The following SYK variants were observed in gnomAD, a reference collection of about 807,000 sequenced individuals.
SYK encodes spleen associated tyrosine kinase.
Under a neutral mutation model 77.8 loss-of-function variants are expected in SYK, and 16 were observed. The observed-to-expected ratio is 0.21, with a 90% CI of 0.14 to 0.31. The LOEUF (loss-of-function observed/expected upper bound fraction) is 0.31, where lower values mean the gene tolerates loss of function less well. SYK is among the 10% of genes least tolerant of loss of function. The pLI is 1.00. For missense variants in SYK, 529 were observed against 814.4 expected, an observed-to-expected ratio of 0.65 and a Z score of 4.26; for synonymous variants, 312 against 308.7, an observed-to-expected ratio of 1.01 and a Z score of -0.11.
chr9:90,888,405 A>G (rs74902767), intron 12 of SYK, 110 bp from the exon 13 acceptor site: 8 of 775,246 alleles, frequency 1.0e-5, no homozygotes, highest in Non-Finnish European at 1.6e-5. Flanking sequence ...TACTTCGTAT[A>G]ATTGAAATCA....
At chr9:90,869,268 C>A (rs1052774203) in intron 7 of SYK, among the ~76,000 whole-genome samples, 1 of 151,474 alleles carries the variant, frequency 6.6e-6, no homozygotes, top group South Asian at 2.1e-4. Flanking sequence ...TGTGAAAATA[C>A]CTTTCTGGCA....
At chr9:90,810,225 TC>T (rs1825022215) in intron 1 of SYK, among the ~76,000 whole-genome samples, 1 of 152,128 alleles carries the variant, frequency 6.6e-6, no homozygotes. Context: ...GGTCAGGATG[TC>T]CCAGGGTGGC....
intron 1 of SYK, among the ~76,000 whole-genome samples, chr9:90,810,279 C>T (rs1269572424): frequency 6.6e-6 from 1 of 152,202 alleles, no homozygotes; most frequent in Non-Finnish European, 1.5e-5. Context: ...CCAGCATCTC[C>T]TTGGCTTGTG....
Position 90,871,725 on chromosome 9 carries a change from T to A in SYK, c.916-2479T>A, listed in dbSNP as rs145452256. 5.6e-4 allele frequency among the ~76,000 whole-genome samples: 85 copies of A among 152,316 alleles called. 1 individual carries two copies. In the East Asian group the frequency reaches 0.013, roughly 22 times the overall value. The stretch of plus-strand genomic sequence containing the variant: ...GTTGTGGCATCATTCTTTGCTCCAG[T>A]CCTGTTAGTCACCAGAAAGAGATAG... On this transcript the variant is annotated intron_variant, in intron 7 of 13. Transcript: ENST00000375754.
At chr9:90,859,157 C>A (rs1827153484) in intron 3 of SYK, among the ~76,000 whole-genome samples, 2 of 152,122 alleles carry the variant, frequency 1.3e-5, no homozygotes, top group Non-Finnish European at 1.5e-5. Context: ...CAAACACAAC[C>A]CAGTCAAGAA....
intron 1 of SYK, among the ~76,000 whole-genome samples, chr9:90,838,628 G>A (rs957377045): frequency 2.6e-5 from 4 of 152,172 alleles, no homozygotes; most frequent in African/African-American, 9.7e-5. Flanking sequence ...CAGGCTGAGG[G>A]GTACAGGTGG....
At chr9:90,873,454 A>G (rs572044442) in intron 7 of SYK, among the ~76,000 whole-genome samples, 1 of 152,272 alleles carries the variant, frequency 6.6e-6, no homozygotes, top group Non-Finnish European at 1.5e-5. Flanking sequence ...CAAGATAGAG[A>G]CTTTCAAAAG....
At chr9:90,815,048 T>A (rs956888975) in intron 1 of SYK, among the ~76,000 whole-genome samples, 1 of 152,108 alleles carries the variant, frequency 6.6e-6, no homozygotes, top group Non-Finnish European at 1.5e-5. Context: ...CAAGAGGGTT[T>A]TGAGGGACTG....
intron 7 of SYK, among the ~76,000 whole-genome samples, chr9:90,873,496 C>T (rs565583025): frequency 6.6e-6 from 1 of 152,064 alleles, no homozygotes; most frequent in Admixed American, 6.6e-5. Flanking sequence ...GTAGATTTCC[C>T]CCCCCAGTTG....
chr9:90,863,834 T>C (rs1159632612), intron 4 of SYK, among the ~76,000 whole-genome samples: 1 of 152,204 alleles, frequency 6.6e-6, no homozygotes, highest in Non-Finnish European at 1.5e-5. Context: ...AAGGGCATTT[T>C]ATGTGTGTGG....
chr9:90,843,808 C>CCGAA, intron 1 of SYK, 50 bp from the exon 2 acceptor site: 1 of 1,361,438 alleles, frequency 7.3e-7, no homozygotes, highest in East Asian at 2.7e-5. Flanking sequence ...AGCAAACGTT[C>CCGAA]CCTGCCACGT....
At chr9:90,834,402 C>T (rs1825998914) in intron 1 of SYK, among the ~76,000 whole-genome samples, 1 of 152,186 alleles carries the variant, frequency 6.6e-6, no homozygotes, top group African/African-American at 2.4e-5. Flanking sequence ...ATACTGTCAT[C>T]CCCTTTCACC....
chr9:90,879,414 A>G (rs1362270993), intron 11 of SYK, among the ~76,000 whole-genome samples: 1 of 152,198 alleles, frequency 6.6e-6, no homozygotes, highest in Non-Finnish European at 1.5e-5. Context: ...ACATTTCATA[A>G]CATGTGGTGG....
chr9:90,888,683 G>C (rs1051250904), intron 13 of SYK, 56 bp downstream of exon 13: 2 of 1,309,234 alleles, frequency 1.5e-6, no homozygotes, highest in South Asian at 1.4e-5. Flanking sequence ...CAGGTGAAAT[G>C]GTTGGGCGTC....
At chr9:90,880,194 C>A (rs1322840004) in intron 11 of SYK, among the ~76,000 whole-genome samples, 1 of 152,222 alleles carries the variant, frequency 6.6e-6, no homozygotes, top group Non-Finnish European at 1.5e-5. Context: ...ACCCACTCAC[C>A]TTTCCCTAAG....
intron 1 of SYK, among the ~76,000 whole-genome samples, chr9:90,825,014 G>C (rs1825624657): frequency 6.6e-6 from 1 of 151,452 alleles, no homozygotes; most frequent in Non-Finnish European, 1.5e-5. Flanking sequence ...GAGTCTACAG[G>C]ATGCTAGATC....
chr9:90,891,238 C>G (rs1454843683), intron 13 of SYK, among the ~76,000 whole-genome samples: 1 of 151,246 alleles, frequency 6.6e-6, no homozygotes, highest in Non-Finnish European at 1.5e-5. Context: ...CTCTGTCTCC[C>G]GGGTTCACAC....
chr9:90,802,815 T>TAAA lies in SYK; in HGVS notation c.-42+932_-42+934dup, dbSNP rs58269380. On this transcript the variant is annotated intron_variant, in intron 1 of 13. Coordinates refer to ENST00000375754, the MANE Select transcript of SYK (RefSeq NM_003177.7). ...GAGTTCAAAGCATTGCAGCGTGTAGTAAAAAAAAAAAAGAGTTGAAGATGT... is the reference window on the plus strand; with the variant it reads ...GAGTTCAAAGCATTGCAGCGTGTAGTAAAAAAAAAAAAAAAGAGTTGAAGATGT... Among the ~76,000 whole-genome samples the TAAA allele has an allele frequency of 2.6e-3, 150 of 58,678 alleles. 9 individuals carry two copies. Among genetic ancestry groups the TAAA allele is most frequent in the African/African-American group, 7.3e-3 (79 of 10,810 alleles). 38.5% of individuals were successfully genotyped at this position (58,678 alleles called of 152,430 possible).
chr9:90,848,469 T>C (rs766905254), intron 3 of SYK, among the ~76,000 whole-genome samples: 13 of 152,180 alleles, frequency 8.5e-5, no homozygotes, highest in Non-Finnish European at 1.8e-4. Flanking sequence ...GCAGATAGTT[T>C]TATAAAATGC....
Sources: allele counts gnomAD v4.1 joint callset (sites outside exome capture counted in the v4.1 genomes callset), GRCh38; gene constraint gnomAD v4.1.1; transcripts MANE v1.5; gene names NCBI Gene and HGNC (gene_info 2026-07-23, HGNC 2026-07-21).